Variants in SAMD12 observed in about 807,000 individuals in gnomAD.
The protein encoded by SAMD12 is sterile alpha motif domain containing 12, also known as sterile alpha motif domain-containing protein 12.
In SAMD12, 9 loss-of-function variants were observed where a neutral mutation model predicts 15.0. The ratio of observed to expected loss-of-function variants is 0.60; its 90% CI spans 0.36 to 1.05. The LOEUF is 1.05. Among genes scored for constraint, SAMD12 ranks in the 50% least tolerant of loss-of-function variants. The pLI is 0.01. For missense variants in SAMD12, 230 were observed against 234.2 expected (o/e 0.98, Z 0.12); for synonymous variants, 86 against 90.1 (o/e 0.96, Z 0.25).
chr8:118,407,957 T>G (rs1821213840), intron 3 of SAMD12, among the ~76,000 whole-genome samples: 1 of 152,168 alleles, frequency 6.6e-6, no homozygotes, highest in Non-Finnish European at 1.5e-5. Flanking sequence ...TACTCTGGAC[T>G]TCGTTCTCAC....
chr8:118,587,511 G>A (rs1031147699), intron 1 of SAMD12, among the ~76,000 whole-genome samples: 1 of 152,198 alleles, frequency 6.6e-6, no homozygotes, highest in Non-Finnish European at 1.5e-5. Flanking sequence ...CTACAAGTGA[G>A]GTTGATGACA....
At chr8:118,592,000 A>G (rs1468232350) in intron 1 of SAMD12, among the ~76,000 whole-genome samples, 1 of 152,216 alleles carries the variant, frequency 6.6e-6, no homozygotes, top group African/African-American at 2.4e-5. Flanking sequence ...AGAGATGCTA[A>G]GCAACATGTT....
chr8:118,537,893 T>C (rs1297490573), intron 2 of SAMD12, among the ~76,000 whole-genome samples: 1 of 152,202 alleles, frequency 6.6e-6, no homozygotes, highest in African/African-American at 2.4e-5. Context: ...ATTATGTCTT[T>C]ATTGTAGTCT....
chr8:118,163,797 CCCT>C, the SAMD12 span, among the ~76,000 whole-genome samples: 10 of 147,870 alleles, frequency 6.8e-5, no homozygotes, highest in Non-Finnish European at 1.3e-4. Context: ...ATGGAGTGAA[CCCT>C]GGAGGCAGAG....
intron 4 of SAMD12, among the ~76,000 whole-genome samples, chr8:118,307,362 C>T (rs118050052): frequency 1.3e-5 from 2 of 152,150 alleles, no homozygotes; most frequent in Admixed American, 6.5e-5. Context: ...TAGTTGGATG[C>T]GGTGGGGGCC....
At chr8:118,600,662 T>C (rs1827837944) in intron 1 of SAMD12, among the ~76,000 whole-genome samples, 1 of 152,208 alleles carries the variant, frequency 6.6e-6, no homozygotes, top group African/African-American at 2.4e-5. Context: ...TAAAAATAAT[T>C]ATACATGTAG....
At chr8:118,402,175 T>G (rs1820901640) in intron 3 of SAMD12, among the ~76,000 whole-genome samples, 1 of 152,174 alleles carries the variant, frequency 6.6e-6, no homozygotes, top group African/African-American at 2.4e-5. Flanking sequence ...AATTTGGTAT[T>G]ACAAAATCAT....
chr8:118,564,211 G>A (rs1164726360), intron 2 of SAMD12, among the ~76,000 whole-genome samples: 2 of 97,060 alleles, frequency 2.1e-5, no homozygotes, highest in Admixed American at 1.3e-4. Context: ...CCACCTGCCC[G>A]CCGACTCCTC....
chr8:118,148,984 C>T, the SAMD12 span, among the ~76,000 whole-genome samples: 1 of 152,200 alleles, frequency 6.6e-6, no homozygotes, highest in Non-Finnish European at 1.5e-5. Context: ...AATAAGACTG[C>T]TATAAACATT....
At chr8:118,551,119 G>A (rs551869489) in intron 2 of SAMD12, among the ~76,000 whole-genome samples, 54 of 152,140 alleles carry the variant, frequency 3.5e-4, no homozygotes, top group South Asian at 1.9e-3. Context: ...CAGATCAACG[G>A]GACAGAAAGT....
At chr8:118,274,944 A>G (rs1446117240) in intron 4 of SAMD12, among the ~76,000 whole-genome samples, 2 of 152,184 alleles carry the variant, frequency 1.3e-5, no homozygotes, top group Non-Finnish European at 2.9e-5. Context: ...CTGGTGTACA[A>G]GTTATGCTCT....
At chr8:118,565,934 C>A (rs1012552336) in intron 2 of SAMD12, among the ~76,000 whole-genome samples, 10 of 152,162 alleles carry the variant, frequency 6.6e-5, no homozygotes, top group African/African-American at 2.4e-4. Flanking sequence ...AGACTGACAC[C>A]ATCCTGGCTC....
intron 1 of SAMD12, among the ~76,000 whole-genome samples, chr8:118,604,929 TA>T (rs1182299881): frequency 6.7e-6 from 1 of 150,088 alleles, no homozygotes; most frequent in East Asian, 2.0e-4. Context: ...CTCAAAAAAA[TA>T]AAAAAAATAA....
chr8:118,611,138 T>C (rs1391297217), intron 1 of SAMD12, among the ~76,000 whole-genome samples: 1 of 152,156 alleles, frequency 6.6e-6, no homozygotes, highest in Non-Finnish European at 1.5e-5. Context: ...TAATTATGAA[T>C]CAAATTTCTT....
At position 118,388,739 on chromosome 8, in the gene SAMD12, CTCTT is replaced by C. The variant is rs1389122998; in HGVS notation, c.323-9043_323-9040del. The stretch of plus-strand genomic sequence containing the variant: ...CGTTATGGCCACTAAGAAGAAAGTT[CTCTT>C]TCTATCTTCAACTATGTCCCAAGGG... On this transcript the variant is annotated intron_variant, in intron 3 of 3. Transcript: ENST00000314727. Among the ~76,000 whole-genome samples, 9 of 152,258 alleles carry C rather than the reference CTCTT, an allele frequency of 5.9e-5. 1 individual carries two copies. The highest frequency in any genetic ancestry group is 6.8e-3 in the Middle Eastern group (2 of 294).
intron 3 of SAMD12, among the ~76,000 whole-genome samples, chr8:118,418,085 C>T (rs532516877): frequency 3.3e-5 from 5 of 152,180 alleles, no homozygotes; most frequent in African/African-American, 9.6e-5. Flanking sequence ...TCGTGCCTAC[C>T]GTCTGTGTGG....
At chr8:118,153,403 GA>G in the SAMD12 span, among the ~76,000 whole-genome samples, 1 of 150,996 alleles carries the variant, frequency 6.6e-6, no homozygotes, top group Non-Finnish European at 1.5e-5. Flanking sequence ...AAAGTCAAGG[GA>G]AAGGAAAGTA....
At chr8:118,408,591 T>C (rs1821247598) in intron 3 of SAMD12, among the ~76,000 whole-genome samples, 1 of 152,242 alleles carries the variant, frequency 6.6e-6, no homozygotes, top group Admixed American at 6.5e-5. Flanking sequence ...TTAGCAACTC[T>C]ATTCCATAAA....
At chr8:118,356,069 T>C (rs545507115) in intron 4 of SAMD12, among the ~76,000 whole-genome samples, 137 of 152,356 alleles carry the variant, frequency 9.0e-4, no homozygotes, top group African/African-American at 3.2e-3. Context: ...AGTAGAACCA[T>C]TTACTATATA....
Sources: gnomAD v4.1 joint callset for allele counts (sites outside exome capture counted in the v4.1 genomes callset) on GRCh38, gnomAD v4.1.1 for gene constraint, MANE v1.5 for transcripts, NCBI Gene and HGNC (gene_info 2026-07-23, HGNC 2026-07-21) for gene names.